IDE: variants seen among roughly 807,000 people sequenced by gnomAD.
IDE encodes the protein insulin-degrading enzyme.
Under a neutral mutation model 133.2 loss-of-function variants are expected in IDE, and 58 were observed. The ratio of observed to expected loss-of-function variants is 0.44; its 90% confidence interval spans 0.35 to 0.54. The LOEUF is 0.54. IDE is among the 20% of genes least tolerant of loss of function. The pLI is 0.00. For synonymous variants in IDE, 396 were observed against 421.3 expected, an observed-to-expected ratio of 0.94 and a Z score of 0.73; for missense variants, 981 against 1,234.0, an observed-to-expected ratio of 0.79 and a Z score of 3.07.
At chr10:92,558,074 T>C (rs939253175) in intron 1 of IDE, among the ~76,000 whole-genome samples, 1 of 152,042 alleles carries the variant, frequency 6.6e-6, no homozygotes, top group Non-Finnish European at 1.5e-5. Context: ...TTTTTTGAGA[T>C]AGTGTTTTGC....
chr10:92,524,661 G>A (rs1422359849), intron 4 of IDE, among the ~76,000 whole-genome samples: 3 of 144,542 alleles, frequency 2.1e-5, no homozygotes, highest in Non-Finnish European at 3.0e-5. Flanking sequence ...AGTGGCTCAC[G>A]CCTGTAATCC....
intron 12 of IDE, among the ~76,000 whole-genome samples, chr10:92,489,428 T>C (rs997638031): frequency 6.6e-6 from 1 of 152,136 alleles, no homozygotes; most frequent in Admixed American, 6.5e-5. Flanking sequence ...CATGCGCCTA[T>C]AGTCCCAGCT....
intron 3 of IDE, among the ~76,000 whole-genome samples, chr10:92,534,264 G>A (rs1014713249): frequency 6.6e-6 from 1 of 152,188 alleles, no homozygotes; most frequent in African/African-American, 2.4e-5. Flanking sequence ...TTAGCATTCT[G>A]GAACAGAAGT....
At chr10:92,546,801 G>A (rs1182759175) in intron 1 of IDE, among the ~76,000 whole-genome samples, 2 of 152,150 alleles carry the variant, frequency 1.3e-5, no homozygotes, top group Non-Finnish European at 2.9e-5. Context: ...AATAAAACTT[G>A]ACACTTCCAG....
intron 15 of IDE, 151 bp from the exon 16 acceptor site, chr10:92,476,145 T>A: frequency 1.8e-6 from 1 of 546,914 alleles, no homozygotes; most frequent in South Asian, 2.4e-5. Context: ...ATATATATAG[T>A]GTAACACTTA....
At chr10:92,524,425 AATATATT>A (rs1849451921) in intron 4 of IDE, among the ~76,000 whole-genome samples, 1 of 74,990 alleles carries the variant, frequency 1.3e-5, no homozygotes, top group Non-Finnish European at 2.4e-5. Context: ...TATTATATAT[AATATATT>A]TTATATAATA....
chr10:92,552,857 C>CAAAAAAAAAAAA lies in IDE; in HGVS notation c.99-15319_99-15308dup, dbSNP rs71028827. 7.5e-3 allele frequency among the ~76,000 whole-genome samples: 368 copies of CAAAAAAAAAAAA among 49,272 alleles called. 24 individuals are homozygous for CAAAAAAAAAAAA. Among genetic ancestry groups the CAAAAAAAAAAAA allele is most frequent in the African/African-American group, 0.026 (239 of 9,322 alleles). 32.3% of individuals were successfully genotyped at this position (49,272 alleles called of 152,430 possible). On this transcript the variant is annotated intron_variant, in intron 1 of 24. Coordinates refer to ENST00000265986, the MANE Select transcript of IDE (RefSeq NM_004969.4). ...TGGGTGACAGAGTAAGACTCAGTCT[C>CAAAAAAAAAAAA]AAAAAAAAAAAAAAAAAAAAATTAT...
chr10:92,497,824 A>C (rs536094732), intron 11 of IDE: 2 of 307,200 alleles, frequency 6.5e-6, no homozygotes, highest in East Asian at 3.4e-4. Context: ...TGTGAGAGTA[A>C]AAAGAGGTAT....
rs1391017342 is a variant in IDE at position 92,537,617 on chromosome 10, A to C, written c.99-67T>G. ...TATTTAAGGACAAACAATAACGTCAAGTAAACCCATATAATACATCATCAG... is the reference window on the plus strand; with the variant it reads ...TATTTAAGGACAAACAATAACGTCACGTAAACCCATATAATACATCATCAG... On this transcript the variant is annotated intron_variant, in intron 1 of 24. Coordinates refer to ENST00000265986, the MANE Select transcript of IDE (RefSeq NM_004969.4). 13 of 1,177,898 alleles carry C rather than the reference A, an allele frequency of 1.1e-5. No homozygotes were observed. In the Admixed American group the frequency reaches 2.8e-4, roughly 25 times the overall value. 73.0% of individuals were successfully genotyped at this position (1,177,898 alleles called of 1,614,324 possible).
At chr10:92,515,932 G>C (rs2135574323) in intron 4 of IDE, among the ~76,000 whole-genome samples, 1 of 150,952 alleles carries the variant, frequency 6.6e-6, no homozygotes, top group South Asian at 2.1e-4. Flanking sequence ...CACTTTGGGA[G>C]GCCGAGGCAG....
At chr10:92,481,010 C>T in intron 14 of IDE, 3 of 432,958 alleles carry the variant, frequency 6.9e-6, no homozygotes, top group Non-Finnish European at 9.2e-6. Flanking sequence ...TATTCTCCAA[C>T]TGGAAAATCT....
rs953208489 is a variant in IDE, at chr10:92,510,052, T to A, written c.895A>T (p.Lys299Ter). Residue 299 changes from lysine (K) to a stop codon, truncating the protein, a stop_gained and splice_region_variant, in exon 6 of 25, where the codon AAA (lysine) becomes TAA (stop). Transcript: ENST00000265986. LOFTEE classifies it high-confidence loss of function. ...AATACCAAAATTTATGCACTTACTTTAAGATGTTCTTCTTGGAAAGGGTGT... is the reference window on the plus strand; with the variant it reads ...AATACCAAAATTTATGCACTTACTTAAAGATGTTCTTCTTGGAAAGGGTGT... ...PEHPFQEEHL[K>*]QLYKIVPIKD... The A allele has an allele frequency of 6.6e-7, 1 of 1,513,722 alleles. No homozygotes were observed. The highest frequency in any genetic ancestry group is 1.4e-5 in the African/African-American group (1 of 72,796). 93.8% of individuals were successfully genotyped at this position (1,513,722 alleles called of 1,614,324 possible). A position where few individuals can be genotyped will look rare whatever the true frequency, so the allele number is the denominator to read the frequency against.
At chr10:92,565,685 G>A (rs1843505016) in intron 1 of IDE, among the ~76,000 whole-genome samples, 1 of 151,994 alleles carries the variant, frequency 6.6e-6, no homozygotes. Flanking sequence ...TCAGATTTAG[G>A]AAATCAGCTC....
chr10:92,571,327 T>C (rs1447635535), intron 1 of IDE, among the ~76,000 whole-genome samples: 5 of 152,120 alleles, frequency 3.3e-5, no homozygotes, highest in Non-Finnish European at 7.4e-5. Flanking sequence ...AACCCTAACT[T>C]TCAAGACAGG....
intron 14 of IDE, chr10:92,479,638 CGTGT>C (rs1322835000): frequency 2.2e-6 from 1 of 446,956 alleles, no homozygotes; most frequent in South Asian, 3.5e-5. Context: ...TGCATGCGTG[CGTGT>C]GTGCGTGCGC....
At chr10:92,457,242 C>T (rs569354417) in intron 22 of IDE, among the ~76,000 whole-genome samples, 12 of 152,254 alleles carry the variant, frequency 7.9e-5, no homozygotes, top group Non-Finnish European at 1.5e-4. Flanking sequence ...CCTTCTCAGA[C>T]TCTGCTTGTA....
chr10:92,502,063 G>A (rs1305993849), intron 11 of IDE, among the ~76,000 whole-genome samples: 2 of 151,986 alleles, frequency 1.3e-5, no homozygotes, highest in Admixed American at 1.3e-4. Context: ...GATCACTTAA[G>A]CCCAAGAGGT....
At chr10:92,541,180 A>G (rs1230528428) in intron 1 of IDE, 1 of 283,606 alleles carries the variant, frequency 3.5e-6, no homozygotes, top group Non-Finnish European at 7.4e-6. Context: ...GTAAAACCCA[A>G]AAGAAATAGT....
intron 1 of IDE, among the ~76,000 whole-genome samples, chr10:92,544,688 T>C (rs1292325725): frequency 6.6e-6 from 1 of 152,186 alleles, no homozygotes; most frequent in African/African-American, 2.4e-5. Flanking sequence ...AAAATTAAAC[T>C]AGGTCAAAAT....
Sources: gnomAD v4.1 joint callset for allele counts (sites outside exome capture counted in the v4.1 genomes callset) on GRCh38, gnomAD v4.1.1 for gene constraint, MANE v1.5 for transcripts, NCBI Gene and HGNC (gene_info 2026-07-23, HGNC 2026-07-21) for gene names.